COLEC10: variants seen among roughly 807,000 people sequenced by gnomAD.
COLEC10 encodes collectin-10.
Under a neutral mutation model 28.4 loss-of-function variants are expected in COLEC10, and 22 were observed. The observed-to-expected ratio is 0.78, with a 90% CI of 0.55 to 1.11. The LOEUF is 1.11. Among genes scored for constraint, COLEC10 ranks in the 50% least tolerant of loss-of-function variants. The pLI, the probability that COLEC10 is intolerant of heterozygous loss-of-function variation, is 0.00. For synonymous variants in COLEC10, 125 were observed against 116.1 expected, an observed-to-expected ratio of 1.08 and a Z score of -0.49; for missense variants, 361 against 344.1, an observed-to-expected ratio of 1.05 and a Z score of -0.39.
the COLEC10 span, among the ~76,000 whole-genome samples, chr8:118,973,024 C>G: frequency 6.6e-6 from 1 of 151,916 alleles, no homozygotes; most frequent in South Asian, 2.1e-4. Context: ...GGGGTAACGA[C>G]CCCCATGATT....
At chr8:119,049,930 A>G (rs1056125051) in intron 2 of COLEC10, among the ~76,000 whole-genome samples, 1 of 152,198 alleles carries the variant, frequency 6.6e-6, no homozygotes, top group Non-Finnish European at 1.5e-5. Flanking sequence ...CTATGGCTGA[A>G]CAAGCTATTA....
chr8:119,038,079 T>G (rs191241800), intron 2 of COLEC10, among the ~76,000 whole-genome samples: 1 of 152,316 alleles, frequency 6.6e-6, no homozygotes, highest in Admixed American at 6.5e-5. Context: ...ATCCTTACAC[T>G]TTGGAGAAGC....
chr8:118,955,292 G>A, the COLEC10 span, among the ~76,000 whole-genome samples: 1 of 152,276 alleles, frequency 6.6e-6, no homozygotes, highest in Non-Finnish European at 1.5e-5. Context: ...AAATGTATAT[G>A]TGGGTATGTC....
chr8:118,988,751 A>G, the COLEC10 span, among the ~76,000 whole-genome samples: 3 of 152,212 alleles, frequency 2.0e-5, no homozygotes, highest in African/African-American at 7.2e-5. Flanking sequence ...TGCATAAAAA[A>G]TGCCCAAGTC....
At chr8:118,983,404 A>T in the COLEC10 span, among the ~76,000 whole-genome samples, 13 of 152,260 alleles carry the variant, frequency 8.5e-5, no homozygotes, top group African/African-American at 3.1e-4. Context: ...ATCACATGAC[A>T]TACTCTTCAT....
At chr8:118,962,133 C>T in the COLEC10 span, among the ~76,000 whole-genome samples, 1 of 152,182 alleles carries the variant, frequency 6.6e-6, no homozygotes, top group East Asian at 1.9e-4. Flanking sequence ...GTAAGGTAAA[C>T]AGCATACCAC....
At chr8:118,981,027 CTATA>C in the COLEC10 span, among the ~76,000 whole-genome samples, 2 of 148,518 alleles carry the variant, frequency 1.3e-5, no homozygotes, top group Non-Finnish European at 1.5e-5. Context: ...GGTAGTTTTC[CTATA>C]TATATATATA....
intron 1 of COLEC10, among the ~76,000 whole-genome samples, chr8:119,080,047 G>A (rs533380578): frequency 1.3e-5 from 2 of 152,020 alleles, no homozygotes; most frequent in African/African-American, 4.8e-5. Context: ...TTTCTCCTTC[G>A]ATATTTTATC....
At chr8:119,009,040 G>A (rs971904133) in intron 1 of COLEC10, among the ~76,000 whole-genome samples, 6 of 150,812 alleles carry the variant, frequency 4.0e-5, no homozygotes, top group Admixed American at 2.0e-4. Flanking sequence ...TCTGTTAGGC[G>A]GGCAGTGCCT....
At chr8:118,997,602 A>G (rs554108198) in intron 1 of COLEC10, among the ~76,000 whole-genome samples, 2 of 152,320 alleles carry the variant, frequency 1.3e-5, no homozygotes, top group East Asian at 1.9e-4. Flanking sequence ...ACATAGCAAA[A>G]TTGTGATGAA....
intron 2 of COLEC10, among the ~76,000 whole-genome samples, chr8:119,049,781 T>TA (rs1312151518): frequency 1.3e-5 from 2 of 152,226 alleles, no homozygotes; most frequent in Non-Finnish European, 2.9e-5. Context: ...TAAGTCATCT[T>TA]ACCTGATTTC....
At chr8:119,020,742 C>A (rs1814076025) in intron 2 of COLEC10, among the ~76,000 whole-genome samples, 1 of 152,110 alleles carries the variant, frequency 6.6e-6, no homozygotes, top group African/African-American at 2.4e-5. Context: ...GTCCTGAAGG[C>A]TAAAAGCTTG....
At chr8:118,955,370 A>C in the COLEC10 span, among the ~76,000 whole-genome samples, 1 of 152,330 alleles carries the variant, frequency 6.6e-6, no homozygotes, top group East Asian at 1.9e-4. Context: ...TGATGAAGAA[A>C]GATGTCACTT....
At chr8:119,086,174 T>C (rs930263702) in intron 1 of COLEC10, among the ~76,000 whole-genome samples, 60 of 152,278 alleles carry the variant, frequency 3.9e-4, no homozygotes, top group African/African-American at 1.3e-3. Context: ...CGGTCAAATG[T>C]GTGCTGTGTT....
the COLEC10 span, among the ~76,000 whole-genome samples, chr8:118,963,978 A>G: frequency 1.3e-5 from 2 of 152,204 alleles, no homozygotes; most frequent in East Asian, 1.9e-4. Flanking sequence ...AAATGAATGC[A>G]TACACCAATG....
intron 3 of COLEC10, among the ~76,000 whole-genome samples, chr8:119,094,626 C>T (rs1224298480): frequency 2.6e-5 from 4 of 152,136 alleles, no homozygotes; most frequent in Admixed American, 2.6e-4. Context: ...AGTCATCCAC[C>T]AGTTCATAAG....
intron 1 of COLEC10, among the ~76,000 whole-genome samples, chr8:119,072,342 T>A (rs1449455704): frequency 1.3e-5 from 2 of 151,784 alleles, no homozygotes. Flanking sequence ...ACTGTGTGAG[T>A]GCTTGACAAC....
At chr8:119,047,959 T>A (rs1442936879) in intron 2 of COLEC10, among the ~76,000 whole-genome samples, 1 of 152,238 alleles carries the variant, frequency 6.6e-6, no homozygotes, top group Non-Finnish European at 1.5e-5. Context: ...TTTAACATAC[T>A]TATTTACTAA....
At chr8:118,979,168 T>C in the COLEC10 span, among the ~76,000 whole-genome samples, 4 of 151,988 alleles carry the variant, frequency 2.6e-5, no homozygotes, top group Non-Finnish European at 5.9e-5. Flanking sequence ...TATTATATGG[T>C]ATAAAGTAAG....
Sources: allele counts gnomAD v4.1 joint callset (sites outside exome capture counted in the v4.1 genomes callset), GRCh38; gene constraint gnomAD v4.1.1; transcripts MANE v1.5; gene names NCBI Gene and HGNC (gene_info 2026-07-23, HGNC 2026-07-21).